The following ANKRD36 variants were observed in gnomAD, a reference collection of about 807,000 sequenced individuals.
ANKRD36 encodes the protein ankyrin repeat domain-containing protein 36A.
In ANKRD36, 179 loss-of-function variants were observed where a neutral mutation model predicts 278.1. The observed-to-expected ratio is 0.64, with a 90% CI of 0.57 to 0.73. ANKRD36 has a LOEUF of 0.73. Among genes scored for constraint, ANKRD36 ranks in the 30% least tolerant of loss-of-function variants. ANKRD36 has a pLI of 0.00. For missense variants in ANKRD36, 1,159 were observed against 1,956.7 expected (o/e 0.59, Z 7.69); for synonymous variants, 320 against 641.1 (o/e 0.50, Z 7.57).
Position 97,121,367 on chromosome 2 carries a change from G to A in ANKRD36, c.487-1520G>A, listed in dbSNP as rs550208751. On this transcript the variant is annotated intron_variant, in intron 3 of 75. Transcript: ENST00000420699. ...TAAAAATGCAAGTAATTGGCCGAGC[G>A]CAGTGGCTCACGCCTGTAATCCTAG... Among the ~76,000 whole-genome samples the A allele has an allele frequency of 3.9e-5, 6 of 152,132 alleles. No individual in the cohort carries two copies. In the East Asian group the frequency reaches 1.2e-3, roughly 29 times the overall value.
In ANKRD36 at chr2:97,156,327, G is replaced by A. The variant is rs1216665786; in HGVS notation, c.1260+1586G>A. ...GCTGGTGCGCTGCACCCACTAACTC[G>A]TCATCTAGCATCAGGTATATCTCCC... On this transcript the variant is annotated intron_variant, in intron 15 of 75. Coordinates refer to ENST00000420699, the MANE Select transcript of ANKRD36 (RefSeq NM_001354587.1). Among the ~76,000 whole-genome samples, 34 of 144,814 alleles carry A rather than the reference G, an allele frequency of 2.3e-4. 1 individual carries two copies. The highest frequency in any genetic ancestry group is 7.1e-4 in the African/African-American group (29 of 41,006).
At chr2:97,180,933 A>G (rs868476652) in intron 24 of ANKRD36, among the ~76,000 whole-genome samples, 1 of 151,662 alleles carries the variant, frequency 6.6e-6, no homozygotes, top group African/African-American at 2.4e-5. Flanking sequence ...TATTGAGGCT[A>G]ATATATTATC....
At chr2:97,231,728 G>A (rs749668026) in intron 67 of ANKRD36, among the ~76,000 whole-genome samples, 22 of 152,104 alleles carry the variant, frequency 1.4e-4, no homozygotes, top group Admixed American at 1.3e-3. Context: ...CTTCTGCGTC[G>A]CTCACGCTGG....
Position 97,208,688 on chromosome 2 carries a change from C to A in ANKRD36, c.3265+682C>A. ...TGGTTACTAGGAGGCATCAGAGATA[C>A]ATGTTTTGTTGATTTTAGTTATAAA... On this transcript the variant is annotated intron_variant, in intron 54 of 75. Coordinates refer to ENST00000420699, the MANE Select transcript of ANKRD36 (RefSeq NM_001354587.1). Among the ~76,000 whole-genome samples, 2 of 146,488 alleles carry A rather than the reference C, an allele frequency of 1.4e-5. 1 individual carries two copies. Among genetic ancestry groups the A allele is most frequent in the Admixed American group, 1.4e-4 (2 of 14,792 alleles).
At chr2:97,203,168 A>T (rs115560982) in intron 48 of ANKRD36, among the ~76,000 whole-genome samples, 1,893 of 151,734 alleles carry the variant, frequency 0.012, 7 homozygotes, top group African/African-American at 0.043. Context: ...TGGATACCAT[A>T]GCTATTTCAT....
chr2:97,217,651 T>A (rs1324740725), intron 64 of ANKRD36, among the ~76,000 whole-genome samples: 15 of 152,092 alleles, frequency 9.9e-5, no homozygotes, highest in Admixed American at 9.8e-4. Context: ...GGGGACAGCA[T>A]AATTTTGCTC....
chr2:97,144,590 C>G, intron 9 of ANKRD36, 44 bp downstream of exon 9: 2 of 1,568,424 alleles, frequency 1.3e-6, no homozygotes, highest in Non-Finnish European at 1.7e-6. Flanking sequence ...ACTGTATAGT[C>G]TATGGAATAT....
At chr2:97,240,992 T>TTTC (rs1188658298) in intron 68 of ANKRD36, among the ~76,000 whole-genome samples, 1 of 140,438 alleles carries the variant, frequency 7.1e-6, no homozygotes, top group African/African-American at 2.9e-5. Flanking sequence ...GTTTTTTTTT[T>TTTC]TTTTTTTTTT....
At chr2:97,116,043 A>T (rs1306607286) in intron 1 of ANKRD36, among the ~76,000 whole-genome samples, 2 of 151,896 alleles carry the variant, frequency 1.3e-5, no homozygotes, top group Admixed American at 6.6e-5. Flanking sequence ...ATACACACAA[A>T]CAATCTATGG....
chr2:97,201,127 G>A (rs1205166062), intron 46 of ANKRD36, among the ~76,000 whole-genome samples: 1 of 151,888 alleles, frequency 6.6e-6, no homozygotes, highest in Admixed American at 6.6e-5. Flanking sequence ...GCAACTGCTG[G>A]AAGCAGGAAA....
At chr2:97,160,514 T>C (rs998350054) in intron 17 of ANKRD36, among the ~76,000 whole-genome samples, 1 of 152,136 alleles carries the variant, frequency 6.6e-6, no homozygotes, top group Non-Finnish European at 1.5e-5. Context: ...TTCAAATAAA[T>C]TTCTTCTCTC....
chr2:97,203,346 A>G (rs1249076732), intron 48 of ANKRD36, among the ~76,000 whole-genome samples: 3 of 151,840 alleles, frequency 2.0e-5, no homozygotes, highest in Non-Finnish European at 4.4e-5. Context: ...TTCACTTTGT[A>G]TGTGTATGTC....
At position 97,209,818 on chromosome 2, in the gene ANKRD36, G is replaced by T. The variant is rs1273440557; in HGVS notation, c.3313G>T (p.Asp1105Tyr). 25 of 1,599,606 alleles carry T rather than the reference G, an allele frequency of 1.6e-5. No individual in the cohort carries two copies. The highest frequency in any genetic ancestry group is 2.1e-5 in the Non-Finnish European group (25 of 1,175,336). The change falls in exon 56 of 76, where the codon GAT becomes TAT. Residue 1105 changes from aspartate (D) to tyrosine (Y), a missense_variant. Physicochemically the swap from Asp to Tyr is radical, Grantham distance 160. Coordinates refer to ENST00000420699, the MANE Select transcript of ANKRD36 (RefSeq NM_001354587.1). ...CATTCAGGCTACAAGTGACGAGAAAGATTCTGTTTTGTATATAGCCAGAGA... is the reference window on the plus strand; with the variant it reads ...CATTCAGGCTACAAGTGACGAGAAATATTCTGTTTTGTATATAGCCAGAGA... Reference protein sequence around the residue: ...PALKATSDEKDSVLYIAREKK... With the variant: ...PALKATSDEKYSVLYIAREKK...
chr2:97,233,010 A>C (rs1436867290), intron 67 of ANKRD36, among the ~76,000 whole-genome samples: 1 of 1,896 alleles, frequency 5.3e-4, no homozygotes, highest in African/African-American at 8.8e-3. Flanking sequence ...CATGTGATTT[A>C]AAAAAAAAAA....
At position 97,198,643 on chromosome 2, in the gene ANKRD36, G is replaced by T. The variant is rs1433917285; in HGVS notation, c.2740G>T (p.Glu914Ter). 6.5e-6 allele frequency: 10 copies of T among 1,542,634 alleles called. No homozygotes were observed. The Admixed American group carries it at 2.0e-4, about 30-fold the overall frequency. The change falls in exon 44 of 76, where the codon GAA becomes TAA. Residue 914 changes from glutamate (E) to a stop codon, truncating the protein, a stop_gained. Coordinates refer to ENST00000420699, the MANE Select transcript of ANKRD36 (RefSeq NM_001354587.1). LOFTEE classifies it high-confidence loss of function. ...TATAGCCAGAGGAAAAAAGGATGGA[G>T]AAAAAACTAAGAGAGGTAATTTTGA... ...LNIARGKKDG[E>*]KTKRVSSRKK...
At chr2:97,258,994 T>C (rs1331170886) in intron 75 of ANKRD36, among the ~76,000 whole-genome samples, 1 of 144,750 alleles carries the variant, frequency 6.9e-6, no homozygotes, top group Admixed American at 7.5e-5. Flanking sequence ...GAAACTGTTA[T>C]TATATGAAAG....
chr2:97,144,334 A>G (rs951661607), intron 8 of ANKRD36, among the ~76,000 whole-genome samples, 184 bp from the exon 9 acceptor site: 3 of 152,236 alleles, frequency 2.0e-5, no homozygotes, highest in Admixed American at 6.5e-5. Context: ...TTGCGTGAAG[A>G]CTATACTTCT....
intron 40 of ANKRD36, among the ~76,000 whole-genome samples, chr2:97,195,201 G>A (rs1368304581): frequency 1.3e-5 from 2 of 151,940 alleles, no homozygotes; most frequent in African/African-American, 2.4e-5. Context: ...GCTTTAATTC[G>A]GTAGCATCTT....
chr2:97,158,243 G>C (rs1272175118), intron 16 of ANKRD36, 76 bp downstream of exon 16: 1 of 1,372,826 alleles, frequency 7.3e-7, no homozygotes, highest in Non-Finnish European at 9.9e-7. Context: ...CTTATTTTTT[G>C]TAGACAGAGT....
Sources: gnomAD v4.1 joint callset for allele counts (sites outside exome capture counted in the v4.1 genomes callset) on GRCh38, gnomAD v4.1.1 for gene constraint, MANE v1.5 for transcripts, NCBI Gene and HGNC (gene_info 2026-07-23, HGNC 2026-07-21) for gene names.